JAZF1: variants seen among roughly 807,000 people sequenced by gnomAD.
JAZF1 encodes JAZF zinc finger 1, also known as juxtaposed with another zinc finger protein 1.
In JAZF1, 8 loss-of-function variants were observed where a neutral mutation model predicts 26.4. The ratio of observed to expected loss-of-function variants is 0.30; its 90% CI spans 0.18 to 0.55. The LOEUF (loss-of-function observed/expected upper bound fraction) is 0.55. Among genes scored for constraint, JAZF1 ranks in the 20% least tolerant of loss-of-function variants. The pLI is 0.94. For missense variants in JAZF1, 199 were observed against 322.0 expected (o/e 0.62, Z 2.92); for synonymous variants, 126 against 122.3 (o/e 1.03, Z -0.20).
chr7:27,939,484 C>G (rs1370511865), intron 2 of JAZF1, among the ~76,000 whole-genome samples: 2 of 152,178 alleles, frequency 1.3e-5, no homozygotes, highest in Non-Finnish European at 2.9e-5. Context: ...TTTAGAGGCC[C>G]CTGGATCTGG....
chr7:28,153,611 C>T (rs970907218), intron 1 of JAZF1, among the ~76,000 whole-genome samples: 2 of 152,198 alleles, frequency 1.3e-5, no homozygotes, highest in African/African-American at 4.8e-5. Context: ...CTGAACAAAC[C>T]TATTCCCTCT....
chr7:28,111,190 C>G (rs1465912547), intron 1 of JAZF1, among the ~76,000 whole-genome samples: 1 of 152,122 alleles, frequency 6.6e-6, no homozygotes, highest in Non-Finnish European at 1.5e-5. Context: ...TCCTACTTAG[C>G]AAAGTAATGC....
At chr7:27,926,469 G>C (rs1269099103) in intron 2 of JAZF1, among the ~76,000 whole-genome samples, 1 of 152,126 alleles carries the variant, frequency 6.6e-6, no homozygotes, top group African/African-American at 2.4e-5. Context: ...TGGGTTCTTG[G>C]GTAATTTGTG....
At chr7:28,085,654 G>A (rs901217065) in intron 1 of JAZF1, among the ~76,000 whole-genome samples, 6 of 152,140 alleles carry the variant, frequency 3.9e-5, no homozygotes, top group Non-Finnish European at 5.9e-5. Flanking sequence ...CTATTGCTTT[G>A]CAAACTGAGC....
intron 3 of JAZF1, among the ~76,000 whole-genome samples, chr7:27,873,737 T>A (rs928214439): frequency 1.3e-5 from 2 of 152,210 alleles, no homozygotes; most frequent in Non-Finnish European, 2.9e-5. Flanking sequence ...TTCACTGCCA[T>A]CTCTCTGAGC....
In JAZF1 at chr7:27,831,103, A is replaced by C. The variant is rs759422988; in HGVS notation, c.*1697T>G. On this transcript the variant is annotated 3_prime_UTR_variant, in exon 5 of 5. Coordinates refer to ENST00000283928, the MANE Select transcript of JAZF1 (RefSeq NM_175061.4). ...TCTGGATCACCCTTTTAAACATAGG[A>C]TAACACTGTATATTCAGGACCAAGA... The C allele has an allele frequency of 2.2e-5, 5 of 223,694 alleles. No homozygotes were observed. Among genetic ancestry groups the C allele is most frequent in the Admixed American group, 5.7e-5 (1 of 17,460 alleles). 13.9% of individuals were successfully genotyped at this position (223,694 alleles called of 1,614,324 possible).
chr7:28,140,770 T>C (rs556859657), intron 1 of JAZF1, among the ~76,000 whole-genome samples: 1 of 152,374 alleles, frequency 6.6e-6, no homozygotes, highest in South Asian at 2.1e-4. Flanking sequence ...ATTTTTATTC[T>C]TTATATCACA....
At chr7:27,993,276 T>A (rs1785940970) in intron 1 of JAZF1, among the ~76,000 whole-genome samples, 1 of 152,144 alleles carries the variant, frequency 6.6e-6, no homozygotes, top group Non-Finnish European at 1.5e-5. Context: ...AATGGCTCCA[T>A]CAAGTCGGGT....
intron 2 of JAZF1, among the ~76,000 whole-genome samples, chr7:27,984,357 A>G (rs537087355): frequency 1.3e-5 from 2 of 152,348 alleles, no homozygotes; most frequent in East Asian, 3.9e-4. Context: ...GAGACAAAGA[A>G]GGCCATTACA....
intron 2 of JAZF1, among the ~76,000 whole-genome samples, chr7:27,924,204 A>G (rs1424013882): frequency 6.6e-6 from 1 of 152,052 alleles, no homozygotes; most frequent in Admixed American, 6.6e-5. Context: ...CAGCCTCCCG[A>G]GCAGCTGGAA....
intron 1 of JAZF1, among the ~76,000 whole-genome samples, chr7:28,060,300 A>G (rs911238832): frequency 1.3e-5 from 2 of 152,220 alleles, no homozygotes; most frequent in African/African-American, 4.8e-5. Flanking sequence ...TGATAAATTC[A>G]GTACCTGAAG....
At chr7:28,057,267 C>T (rs903876922) in intron 1 of JAZF1, among the ~76,000 whole-genome samples, 12 of 152,098 alleles carry the variant, frequency 7.9e-5, no homozygotes, top group Non-Finnish European at 1.5e-4. Context: ...ATAAAAAATG[C>T]TTTTATGACC....
intron 1 of JAZF1, among the ~76,000 whole-genome samples, chr7:28,178,934 T>TG (rs1464662277): frequency 1.3e-5 from 2 of 152,252 alleles, no homozygotes; most frequent in Non-Finnish European, 1.5e-5. Context: ...CTATTCCGGA[T>TG]GGCCCATCAA....
intron 2 of JAZF1, among the ~76,000 whole-genome samples, chr7:27,914,164 A>T (rs1233489657): frequency 2.0e-5 from 3 of 152,198 alleles, no homozygotes; most frequent in African/African-American, 7.2e-5. Flanking sequence ...GAATACTTGT[A>T]AACTGGAAAG....
In JAZF1 at chr7:28,166,419, C is replaced by T. The variant is rs149914125; in HGVS notation, c.115+14044G>A. Among the ~76,000 whole-genome samples the T allele has an allele frequency of 4.6e-3, 708 of 152,286 alleles. 5 individuals are homozygous for T. Among genetic ancestry groups the T allele is most frequent in the African/African-American group, 0.016 (681 of 41,556 alleles). Reference sequence around the variant, plus strand: ...GGACTATTATTAAAGAGATGCACAGCCCCTTAAAGAGGAAGGCATGGCATT... The same window carrying T: ...GGACTATTATTAAAGAGATGCACAGTCCCTTAAAGAGGAAGGCATGGCATT... On this transcript the variant is annotated intron_variant, in intron 1 of 4. Coordinates refer to ENST00000283928, the MANE Select transcript of JAZF1 (RefSeq NM_175061.4).
intron 4 of JAZF1, among the ~76,000 whole-genome samples, chr7:27,833,845 C>T (rs1328431148): frequency 3.3e-5 from 5 of 152,142 alleles, no homozygotes; most frequent in African/African-American, 1.2e-4. Context: ...ACCAGTAATC[C>T]TCATCCCAAT....
intron 1 of JAZF1, among the ~76,000 whole-genome samples, chr7:28,088,210 A>G (rs6462065): frequency 0.12 from 17,945 of 152,230 alleles, 2,711 homozygotes; most frequent in African/African-American, 0.34. Flanking sequence ...CATGGTAGCC[A>G]ACAGCAGTTT....
At chr7:27,979,703 T>C (rs1462342668) in intron 2 of JAZF1, among the ~76,000 whole-genome samples, 1 of 152,126 alleles carries the variant, frequency 6.6e-6, no homozygotes, top group Non-Finnish European at 1.5e-5. Context: ...TCACCTGCCT[T>C]TGCCCTGCAG....
At chr7:28,162,513 C>G (rs894287058) in intron 1 of JAZF1, among the ~76,000 whole-genome samples, 5 of 152,178 alleles carry the variant, frequency 3.3e-5, no homozygotes, top group African/African-American at 7.2e-5. Flanking sequence ...CTAGAGTGAC[C>G]GCTCCTTGGG....
Sources: allele counts gnomAD v4.1 joint callset (sites outside exome capture counted in the v4.1 genomes callset), GRCh38; gene constraint gnomAD v4.1.1; transcripts MANE v1.5; gene names NCBI Gene and HGNC (gene_info 2026-07-23, HGNC 2026-07-21).